The following RALGAPA2 variants were observed in gnomAD, a reference collection of about 807,000 sequenced individuals.
RALGAPA2 encodes ral GTPase-activating protein subunit alpha-2.
Under a neutral mutation model 230.4 loss-of-function variants are expected in RALGAPA2, and 139 were observed. That is an observed-to-expected ratio of 0.60 (90% confidence interval 0.53 to 0.69). The LOEUF is 0.69. Ranked by LOEUF, RALGAPA2 falls within the 30% of genes least tolerant of loss-of-function variation. RALGAPA2 has a pLI of 0.00. For missense variants in RALGAPA2, 2,163 were observed against 2,276.0 expected (o/e 0.95, Z 1.01); for synonymous variants, 847 against 837.8 (o/e 1.01, Z -0.19).
chr20:20,610,450 A>T (rs1470799734), intron 14 of RALGAPA2, among the ~76,000 whole-genome samples: 1 of 152,176 alleles, frequency 6.6e-6, no homozygotes, highest in Non-Finnish European at 1.5e-5. Flanking sequence ...CAAGAAGCAC[A>T]GGCATCTCTT....
At chr20:20,601,066 T>C (rs1486996640) in intron 16 of RALGAPA2, among the ~76,000 whole-genome samples, 1 of 151,862 alleles carries the variant, frequency 6.6e-6, no homozygotes, top group Non-Finnish European at 1.5e-5. Flanking sequence ...CACCATTGCA[T>C]TTCAGCCTGG....
At chr20:20,434,925 G>C (rs2060577251) in intron 37 of RALGAPA2, among the ~76,000 whole-genome samples, 1 of 152,170 alleles carries the variant, frequency 6.6e-6, no homozygotes, top group African/African-American at 2.4e-5. Context: ...AACACAGTGA[G>C]ACCATGTCTC....
At chr20:20,448,744 G>A (rs1020484292) in intron 37 of RALGAPA2, among the ~76,000 whole-genome samples, 4 of 151,770 alleles carry the variant, frequency 2.6e-5, no homozygotes, top group Non-Finnish European at 5.9e-5. Context: ...TATTTTTAGG[G>A]TACTGAAAGA....
chr20:20,536,581 T>C (rs1026386999), intron 25 of RALGAPA2, 75 bp downstream of exon 25: 11 of 1,497,906 alleles, frequency 7.3e-6, no homozygotes, highest in Admixed American at 1.9e-5. Context: ...TAATATACAC[T>C]AATGGAAGAG....
intron 36 of RALGAPA2, among the ~76,000 whole-genome samples, chr20:20,487,912 GA>G (rs79112449): frequency 0.019 from 2,133 of 109,648 alleles, 26 homozygotes; most frequent in African/African-American, 0.055. Context: ...ACTCGGTCTC[GA>G]AAAAAAAAAA....
intron 37 of RALGAPA2, among the ~76,000 whole-genome samples, chr20:20,458,716 A>ATG (rs1465703736): frequency 1.5e-5 from 2 of 132,638 alleles, no homozygotes; most frequent in Non-Finnish European, 3.2e-5. Context: ...ACACACACCT[A>ATG]TATATATATA....
intron 37 of RALGAPA2, among the ~76,000 whole-genome samples, chr20:20,435,767 C>CA (rs2060598251): frequency 1.3e-5 from 2 of 152,182 alleles, no homozygotes; most frequent in East Asian, 3.9e-4. Flanking sequence ...ACGAAGGGAA[C>CA]GAGGGACCCC....
chr20:20,396,697 T>C lies in RALGAPA2; in HGVS notation c.*33A>G, dbSNP rs2059725907. The C allele has an allele frequency of 6.2e-7, 1 of 1,609,550 alleles. No homozygotes were observed. The highest frequency in any genetic ancestry group is 8.5e-7 in the Non-Finnish European group (1 of 1,176,362). ...ATCCACTGAAGTGTCTGTCTTACCTTGCTCAAATATTGAAATGAGACCTTT... is the reference window on the plus strand; with the variant it reads ...ATCCACTGAAGTGTCTGTCTTACCTCGCTCAAATATTGAAATGAGACCTTT... On this transcript the variant is annotated splice_region_variant and 3_prime_UTR_variant, in exon 39 of 40. Transcript: ENST00000202677.
Position 20,629,493 on chromosome 20 carries a change from G to A in RALGAPA2, c.1103C>T (p.Ser368Leu), listed in dbSNP as rs1407629818. The change falls in exon 10 of 40, where the codon TCG becomes TTG. Residue 368 changes from serine to leucine, a missense_variant. Ser to Leu is a moderately radical substitution (Grantham distance 145). Transcript: ENST00000202677. ...GCTGGAGTTGCTGAGTCTTCGGTCC[G>A]ACAAGGTGCTGCTGTTAGAATGGCT... ...DKSHSNSSTL[S>L]DRRLSNSSLC... 8 of 1,613,814 alleles carry A rather than the reference G, an allele frequency of 5.0e-6. No homozygotes were observed. Among genetic ancestry groups the A allele is most frequent in the Non-Finnish European group, 6.8e-6 (8 of 1,179,888 alleles).
At chr20:20,404,294 G>T (rs894639170) in intron 38 of RALGAPA2, among the ~76,000 whole-genome samples, 3 of 152,146 alleles carry the variant, frequency 2.0e-5, no homozygotes, top group African/African-American at 7.2e-5. Context: ...GGACTTTAAA[G>T]GCTAATGGGC....
intron 31 of RALGAPA2, among the ~76,000 whole-genome samples, chr20:20,520,107 C>G (rs563677904): frequency 6.6e-6 from 1 of 152,260 alleles, no homozygotes; most frequent in South Asian, 2.1e-4. Context: ...AGCAGTAATA[C>G]AGAGAGACCT....
At chr20:20,601,034 A>C (rs745653195) in intron 16 of RALGAPA2, among the ~76,000 whole-genome samples, 2 of 152,152 alleles carry the variant, frequency 1.3e-5, no homozygotes, top group Non-Finnish European at 2.9e-5. Flanking sequence ...CGGAAGGCAG[A>C]GGTTGCAGTG....
At chr20:20,496,009 G>A (rs1444237134) in intron 35 of RALGAPA2, among the ~76,000 whole-genome samples, 1 of 152,150 alleles carries the variant, frequency 6.6e-6, no homozygotes, top group African/African-American at 2.4e-5. Context: ...ACCTACCCGA[G>A]GATGCATGAG....
intron 37 of RALGAPA2, among the ~76,000 whole-genome samples, chr20:20,428,827 A>T (rs1323243565): frequency 6.9e-6 from 1 of 144,990 alleles, no homozygotes; most frequent in Non-Finnish European, 1.5e-5. Flanking sequence ...AGTGCCTCCT[A>T]CATATCCATT....
intron 36 of RALGAPA2, among the ~76,000 whole-genome samples, chr20:20,484,312 G>A (rs2061852118): frequency 6.6e-6 from 1 of 152,052 alleles, no homozygotes; most frequent in Non-Finnish European, 1.5e-5. Context: ...ATGTCTTCTT[G>A]TGTGTTCTAT....
At chr20:20,549,388 C>T (rs1022487627) in intron 23 of RALGAPA2, among the ~76,000 whole-genome samples, 1 of 152,114 alleles carries the variant, frequency 6.6e-6, no homozygotes, top group African/African-American at 2.4e-5. Context: ...TTCAACGGAA[C>T]CTGCTACTAT....
chr20:20,449,349 G>T (rs981452690), intron 37 of RALGAPA2, among the ~76,000 whole-genome samples: 2 of 152,152 alleles, frequency 1.3e-5, no homozygotes, highest in African/African-American at 4.8e-5. Flanking sequence ...TCTACAAAGA[G>T]TTAAACATGA....
intron 19 of RALGAPA2, 43 bp downstream of exon 19, chr20:20,584,822 A>T (rs779254051): frequency 7.3e-7 from 1 of 1,364,860 alleles, no homozygotes; most frequent in South Asian, 1.2e-5. Context: ...AATAGAACAT[A>T]TCAACTCTGT....
intron 1 of RALGAPA2, among the ~76,000 whole-genome samples, chr20:20,681,955 T>A (rs1041231745): frequency 2.6e-5 from 4 of 152,226 alleles, no homozygotes; most frequent in Admixed American, 2.0e-4. Flanking sequence ...AATGTGTTGC[T>A]CTTCAGTCTG....
Sources: allele counts gnomAD v4.1 joint callset (sites outside exome capture counted in the v4.1 genomes callset), GRCh38; gene constraint gnomAD v4.1.1; transcripts MANE v1.5; gene names NCBI Gene and HGNC (gene_info 2026-07-23, HGNC 2026-07-21).